MBD5: variants seen among roughly 807,000 people sequenced by gnomAD.
MBD5 encodes the protein methyl-CpG binding domain protein 5.
In MBD5, 13 loss-of-function variants were observed where a neutral mutation model predicts 117.3. The observed-to-expected ratio is 0.11, with a 90% CI of 0.07 to 0.18. MBD5 has a LOEUF of 0.18. MBD5 is among the 10% of genes least tolerant of loss of function. The pLI, the probability that MBD5 is intolerant of heterozygous loss-of-function variation, is 1.00. For missense variants in MBD5, 1,879 were observed against 2,093.8 expected (o/e 0.90, Z 2.00); for synonymous variants, 727 against 766.4 (o/e 0.95, Z 0.85).
intron 2 of MBD5, among the ~76,000 whole-genome samples, chr2:148,188,742 A>G (rs937143551): frequency 6.6e-6 from 1 of 151,926 alleles, no homozygotes; most frequent in African/African-American, 2.4e-5. Context: ...AAAATAAAAG[A>G]ACAGGGAGGA....
chr2:148,337,156 G>GC (rs1484625068), intron 3 of MBD5, among the ~76,000 whole-genome samples: 1 of 152,062 alleles, frequency 6.6e-6, no homozygotes, highest in Non-Finnish European at 1.5e-5. Context: ...CTTAATCACA[G>GC]CCCCTCCAAA....
chr2:148,075,653 AGTT>A (rs72438761), intron 1 of MBD5, among the ~76,000 whole-genome samples: 5,517 of 149,236 alleles, frequency 0.037, 326 homozygotes, highest in African/African-American at 0.13. Context: ...TTTTTTTAAC[AGTT>A]GTTTGTTTGA....
intron 4 of MBD5, among the ~76,000 whole-genome samples, chr2:148,416,804 T>TATACC (rs1475850824): frequency 2.0e-5 from 3 of 152,106 alleles, no homozygotes; most frequent in Admixed American, 6.6e-5. Flanking sequence ...CAATGTTCTT[T>TATACC]ATACCACACT....
chr2:148,445,143 A>C (rs1031382404), intron 4 of MBD5, among the ~76,000 whole-genome samples: 1 of 150,214 alleles, frequency 6.7e-6, no homozygotes, highest in Non-Finnish European at 1.5e-5. Context: ...CTTTTCTTTT[A>C]TTTTTTATTA....
chr2:148,494,998 G>T lies in MBD5; in HGVS notation c.4962+4404G>T, dbSNP rs542681346. Reference sequence around the variant, plus strand: ...AATAAAATAAATAAAAAAAATTGAAGTACACTCTGGGAGATAGTTATACTT... The same window carrying T: ...AATAAAATAAATAAAAAAAATTGAATTACACTCTGGGAGATAGTTATACTT... On this transcript the variant is annotated intron_variant, in intron 11 of 13. Coordinates refer to ENST00000642680, the MANE Select transcript of MBD5 (RefSeq NM_001378120.1). 5.3e-5 allele frequency among the ~76,000 whole-genome samples: 8 copies of T among 152,196 alleles called. No homozygotes were observed. In the East Asian group the frequency reaches 1.3e-3, roughly 26 times the overall value.
intron 3 of MBD5, among the ~76,000 whole-genome samples, chr2:148,300,263 C>T (rs1225140721): frequency 2.0e-5 from 3 of 152,092 alleles, no homozygotes; most frequent in Non-Finnish European, 4.4e-5. Context: ...ATCATGTTGG[C>T]CAGGCTGGTC....
chr2:148,371,301 TATTTACAACAGAA>T lies in MBD5; in HGVS notation c.-557+28967_-557+28979del, dbSNP rs1703846112. 3.9e-5 allele frequency among the ~76,000 whole-genome samples: 6 copies of T among 152,286 alleles called. No individual in the cohort carries two copies. In the South Asian group the frequency reaches 1.2e-3, roughly 32 times the overall value. On this transcript the variant is annotated intron_variant, in intron 4 of 13. Transcript: ENST00000642680. ...TTATAGAATTAAATCTTGGAGCTCT[TATTTACAACAGAA>T]AGAATCCCACATCAATGTTGACCTA...
intron 4 of MBD5, among the ~76,000 whole-genome samples, chr2:148,407,182 C>T (rs145456930): frequency 1.1e-3 from 173 of 152,142 alleles, no homozygotes; most frequent in Middle Eastern, 0.01. Flanking sequence ...AATCTATTTT[C>T]GAATAAGATG....
intron 1 of MBD5, among the ~76,000 whole-genome samples, chr2:148,056,421 G>A (rs1037827338): frequency 3.3e-5 from 5 of 151,890 alleles, no homozygotes; most frequent in African/African-American, 9.7e-5. Flanking sequence ...AAAGGAATAC[G>A]TTCCAGGTGT....
intron 12 of MBD5, among the ~76,000 whole-genome samples, chr2:148,504,734 T>G (rs908723212): frequency 6.6e-6 from 1 of 152,092 alleles, no homozygotes; most frequent in East Asian, 1.9e-4. Flanking sequence ...AAACACTACA[T>G]AGGCATCAGC....
At chr2:148,291,360 T>A (rs1289850592) in intron 3 of MBD5, among the ~76,000 whole-genome samples, 1 of 152,206 alleles carries the variant, frequency 6.6e-6, no homozygotes, top group Non-Finnish European at 1.5e-5. Flanking sequence ...TTCACTTAAG[T>A]CTTTAATTTC....
At chr2:148,339,702 G>A (rs564565882) in intron 3 of MBD5, among the ~76,000 whole-genome samples, 6 of 151,912 alleles carry the variant, frequency 3.9e-5, no homozygotes, top group East Asian at 1.9e-4. Flanking sequence ...TCTTTCTTTC[G>A]TTCCTACAAA....
Position 148,100,704 on chromosome 2 carries a change from A to G in MBD5, c.-924-77996A>G, listed in dbSNP as rs1377218381. ...AGGCTAGTTTATGCTTCTTCATAAC[A>G]TGGTGATCAGATCCCAAGAACAAAT... On this transcript the variant is annotated intron_variant, in intron 1 of 13. Coordinates refer to ENST00000642680, the MANE Select transcript of MBD5 (RefSeq NM_001378120.1). Among the ~76,000 whole-genome samples, 4 of 152,340 alleles carry G rather than the reference A, an allele frequency of 2.6e-5. No homozygotes were observed. In the East Asian group the frequency reaches 7.7e-4, roughly 29 times the overall value.
chr2:148,113,488 A>T (rs1383271922), intron 1 of MBD5, among the ~76,000 whole-genome samples: 1 of 152,234 alleles, frequency 6.6e-6, no homozygotes, highest in East Asian at 1.9e-4. Context: ...GGACTAGAAG[A>T]TAGAGGAGCT....
chr2:148,344,657 A>T (rs1703041944), intron 4 of MBD5, among the ~76,000 whole-genome samples: 1 of 151,998 alleles, frequency 6.6e-6, no homozygotes, highest in African/African-American at 2.4e-5. Context: ...TGCTTTTTGT[A>T]TACTGAAACT....
rs929485440 is a variant in MBD5, at chr2:148,089,496, T to C, written c.-925+67812T>C. Among the ~76,000 whole-genome samples the C allele has an allele frequency of 3.2e-4, 49 of 152,028 alleles. 1 individual carries two copies. Among genetic ancestry groups the C allele is most frequent in the Non-Finnish European group, 3.4e-4 (23 of 67,954 alleles). On this transcript the variant is annotated intron_variant, in intron 1 of 13. Transcript: ENST00000642680. ...AGAAAATAAATTATATCAGGTACCCTCTCAGACCACAGTGGAATAAAATTG... is the reference window on the plus strand; with the variant it reads ...AGAAAATAAATTATATCAGGTACCCCCTCAGACCACAGTGGAATAAAATTG...
chr2:148,503,300 A>G (rs1681926921), intron 12 of MBD5, among the ~76,000 whole-genome samples: 2 of 152,234 alleles, frequency 1.3e-5, no homozygotes, highest in Non-Finnish European at 2.9e-5. Flanking sequence ...TTCATTTGCA[A>G]AATGATCCTC....
intron 2 of MBD5, among the ~76,000 whole-genome samples, chr2:148,183,265 A>AT (rs1698571975): frequency 6.6e-6 from 1 of 151,834 alleles, no homozygotes; most frequent in Non-Finnish European, 1.5e-5. Flanking sequence ...ACTCCAGGAG[A>AT]TTTTCCCCTT....
At chr2:148,508,650 A>G (rs1224352254) in intron 12 of MBD5, among the ~76,000 whole-genome samples, 1 of 152,230 alleles carries the variant, frequency 6.6e-6, no homozygotes, top group Admixed American at 6.5e-5. Context: ...TGACAAAAAT[A>G]TAAAAGCTAA....
Sources: allele counts gnomAD v4.1 joint callset (sites outside exome capture counted in the v4.1 genomes callset), GRCh38; gene constraint gnomAD v4.1.1; transcripts MANE v1.5; gene names NCBI Gene and HGNC (gene_info 2026-07-23, HGNC 2026-07-21).